ERC2: variants seen among roughly 807,000 people sequenced by gnomAD.
The protein encoded by ERC2 is ELKS/RAB6-interacting/CAST family member 2.
A neutral mutation model predicts 114.8 loss-of-function variants in ERC2; 42 were observed. The ratio of observed to expected loss-of-function variants is 0.37; its 90% CI spans 0.29 to 0.47. The LOEUF (loss-of-function observed/expected upper bound fraction) is 0.47. Ranked by LOEUF, ERC2 falls within the 20% of genes least tolerant of loss-of-function variation. ERC2 has a pLI of 0.99. For missense variants in ERC2, 939 were observed against 1,150.7 expected (o/e 0.82, Z 2.66); for synonymous variants, 454 against 425.5 (o/e 1.07, Z -0.82).
At chr3:56,179,058 T>TA (rs34820943) in intron 3 of ERC2, among the ~76,000 whole-genome samples, 44,476 of 132,304 alleles carry the variant, frequency 0.34, 7,673 homozygotes, top group Middle Eastern at 0.41. Context: ...GTTGATGAGC[T>TA]AAAAAAAAAA....
chr3:55,955,241 GGTGTGTTTGT>G (rs2149454395), intron 12 of ERC2: 1 of 451,078 alleles, frequency 2.2e-6, no homozygotes, highest in Non-Finnish European at 4.4e-6. Flanking sequence ...ACTGTATGGT[GGTGTGTTTGT>G]GTGTGTGTGT....
chr3:55,906,250 G>A (rs1288740164), intron 13 of ERC2, among the ~76,000 whole-genome samples: 1 of 151,184 alleles, frequency 6.6e-6, no homozygotes, highest in South Asian at 2.1e-4. Flanking sequence ...GGCTAACACG[G>A]TGAAACCCCA....
chr3:56,391,482 G>A (rs2060126032), intron 2 of ERC2, among the ~76,000 whole-genome samples: 1 of 152,222 alleles, frequency 6.6e-6, no homozygotes, highest in Non-Finnish European at 1.5e-5. Context: ...AGAAGAGTGA[G>A]AAAGAGAAAT....
At chr3:56,255,777 T>A (rs1020510590) in intron 3 of ERC2, among the ~76,000 whole-genome samples, 1 of 152,238 alleles carries the variant, frequency 6.6e-6, no homozygotes, top group Admixed American at 6.5e-5. Flanking sequence ...GTTGGATAAG[T>A]GCTCTCCTGC....
chr3:56,411,379 T>C (rs559686792), intron 2 of ERC2, among the ~76,000 whole-genome samples: 1 of 152,010 alleles, frequency 6.6e-6, no homozygotes, highest in African/African-American at 2.4e-5. Context: ...TTTCAGCTTC[T>C]CTTGGATGTC....
chr3:55,800,638 T>A, intron 14 of ERC2, among the ~76,000 whole-genome samples: 1 of 152,064 alleles, frequency 6.6e-6, no homozygotes, highest in East Asian at 1.9e-4. Context: ...TTCATCTTGA[T>A]GAAAAACAAG....
intron 6 of ERC2, among the ~76,000 whole-genome samples, chr3:56,087,052 C>G: frequency 6.6e-6 from 1 of 152,088 alleles, no homozygotes; most frequent in East Asian, 1.9e-4. Context: ...AGTCCATGCA[C>G]AAAGACCCAG....
chr3:56,179,747 G>T (rs957425730), intron 3 of ERC2, among the ~76,000 whole-genome samples: 1 of 151,952 alleles, frequency 6.6e-6, no homozygotes, highest in Non-Finnish European at 1.5e-5. Context: ...GGGAAGGAAA[G>T]GTGGGAGTTA....
chr3:56,032,977 GAGAA>G (rs1553782152), intron 7 of ERC2, among the ~76,000 whole-genome samples: 1,605 of 45,278 alleles, frequency 0.035, 88 homozygotes, highest in African/African-American at 0.091. Flanking sequence ...AAGAAAGAAA[GAGAA>G]AGAAAGAAAG....
chr3:56,313,038 G>A (rs1177844605), intron 2 of ERC2, among the ~76,000 whole-genome samples: 10 of 16,024 alleles, frequency 6.2e-4, no homozygotes, highest in East Asian at 1.7e-3. Context: ...ATATATATAT[G>A]GGGTGGGAGA....
In ERC2 at chr3:55,887,517, G is replaced by T. The variant is rs889561721; in HGVS notation, c.2564+872C>A. On this transcript the variant is annotated intron_variant, in intron 14 of 17. Transcript: ENST00000288221. ...ATGTATGTTTCCCCTTACTGTGGAG[G>T]GAAGTTAGATTTAAATTATAATTTA... Among the ~76,000 whole-genome samples the T allele has an allele frequency of 7.9e-5, 12 of 152,238 alleles. No individual in the cohort carries two copies. The East Asian group carries it at 2.3e-3, about 29-fold the overall frequency.
At chr3:55,703,175 T>A (rs2063312862) in intron 15 of ERC2, among the ~76,000 whole-genome samples, 1 of 152,144 alleles carries the variant, frequency 6.6e-6, no homozygotes, top group African/African-American at 2.4e-5. Context: ...CAGAGTGACA[T>A]CAGATTTCTG....
chr3:56,436,019 G>C (rs1344332565), intron 1 of ERC2, among the ~76,000 whole-genome samples: 2 of 152,204 alleles, frequency 1.3e-5, no homozygotes, highest in Non-Finnish European at 2.9e-5. Flanking sequence ...AAGTATACTA[G>C]TGAAGATTTT....
chr3:56,151,775 C>T (rs1036778087), intron 4 of ERC2, among the ~76,000 whole-genome samples: 5 of 152,004 alleles, frequency 3.3e-5, no homozygotes, highest in African/African-American at 7.2e-5. Flanking sequence ...ATGTGACATA[C>T]GGATGTTGAG....
chr3:56,033,315 T>C (rs907264857), intron 7 of ERC2, among the ~76,000 whole-genome samples: 1 of 152,224 alleles, frequency 6.6e-6, no homozygotes, highest in Admixed American at 6.5e-5. Context: ...TAGTTATTTT[T>C]AATATTTTGT....
At chr3:56,003,112 T>C in intron 10 of ERC2, 1 of 1,289,276 alleles carries the variant, frequency 7.8e-7, no homozygotes, top group Non-Finnish European at 1.0e-6. Context: ...GTTGTACATC[T>C]GATTGAACAA....
chr3:56,014,108 A>G (rs976233242), intron 8 of ERC2, among the ~76,000 whole-genome samples: 1 of 63,092 alleles, frequency 1.6e-5, no homozygotes, highest in African/African-American at 1.1e-4. Flanking sequence ...TGAAAAGTTA[A>G]AAAAAAACAG....
intron 2 of ERC2, among the ~76,000 whole-genome samples, chr3:56,432,065 G>C (rs1019952411): frequency 6.6e-6 from 1 of 152,196 alleles, no homozygotes; most frequent in South Asian, 2.1e-4. Flanking sequence ...GGTTCGAAAT[G>C]TTTTTAATAA....
At chr3:55,903,253 T>C (rs892086465) in intron 13 of ERC2, among the ~76,000 whole-genome samples, 1 of 152,236 alleles carries the variant, frequency 6.6e-6, no homozygotes, top group African/African-American at 2.4e-5. Flanking sequence ...GTAGCTCTTC[T>C]CTGATTAAAA....
Sources: gnomAD v4.1 joint callset for allele counts (sites outside exome capture counted in the v4.1 genomes callset) on GRCh38, gnomAD v4.1.1 for gene constraint, MANE v1.5 for transcripts, NCBI Gene and HGNC (gene_info 2026-07-23, HGNC 2026-07-21) for gene names.